The following ADGRB1 variants were observed in gnomAD, a reference collection of about 807,000 sequenced individuals.
The protein encoded by ADGRB1 is adhesion G protein-coupled receptor B1.
ADGRB1 carries 36 observed loss-of-function variants against 175.7 expected under a neutral mutation model. The observed-to-expected ratio is 0.20, with a 90% CI of 0.16 to 0.27. The LOEUF is 0.27. Among genes scored for constraint, ADGRB1 ranks in the 10% least tolerant of loss-of-function variants. The pLI, the probability that ADGRB1 is intolerant of heterozygous loss-of-function variation, is 1.00. For synonymous variants in ADGRB1, 1,054 were observed against 979.4 expected, an observed-to-expected ratio of 1.08 and a Z score of -1.42; for missense variants, 1,731 against 2,255.3, an observed-to-expected ratio of 0.77 and a Z score of 4.71.
chr8:142,510,916 T>TGGCCCCCC lies in ADGRB1; in HGVS notation c.2676-16_2676-15insGGCCCCCC. 6 of 969,730 alleles carry TGGCCCCCC rather than the reference T, an allele frequency of 6.2e-6. No homozygotes were observed. Among genetic ancestry groups the TGGCCCCCC allele is most frequent in the Non-Finnish European group, 7.6e-6 (6 of 789,292 alleles). 60.1% of individuals were successfully genotyped at this position (969,730 alleles called of 1,614,324 possible). On this transcript the variant is annotated splice_polypyrimidine_tract_variant and intron_variant, in intron 17 of 30. Coordinates refer to ENST00000517894, the MANE Select transcript of ADGRB1 (RefSeq NM_001702.3). This position sits in a 1 kb window ranked among gnomAD's most constrained non-coding sequence, Gnocchi z 6.3. ...ACGCTCCGCCTGTCTCCCTCCCGTG[T>TGGCCCCCC]CCCGCCCGCCCCCAGACCCTCCTCC...
chr8:142,491,361 C>T (rs962321172), intron 17 of ADGRB1, among the ~76,000 whole-genome samples: 5 of 152,216 alleles, frequency 3.3e-5, no homozygotes, highest in Admixed American at 2.6e-4. Flanking sequence ...GCAAGTTCCA[C>T]GCCCCATGTG....
At chr8:142,479,576 TG>T in intron 8 of ADGRB1, 89 bp downstream of exon 8, 5 of 1,525,090 alleles carry the variant, frequency 3.3e-6, no homozygotes, top group African/African-American at 1.4e-5. Flanking sequence ...CGTGGTGTGT[TG>T]GGGGCTCCCG....
intron 17 of ADGRB1, among the ~76,000 whole-genome samples, chr8:142,498,440 G>A (rs1017238953): frequency 2.6e-5 from 4 of 152,082 alleles, no homozygotes; most frequent in South Asian, 4.1e-4. Context: ...GAGTTGCCCC[G>A]GGTGCCTGCT....
At chr8:142,481,006 T>C (rs1442824824) in intron 9 of ADGRB1, among the ~76,000 whole-genome samples, 1 of 152,202 alleles carries the variant, frequency 6.6e-6, no homozygotes, top group East Asian at 1.9e-4. Flanking sequence ...TCCACCTCCA[T>C]GCAGTGGGGT....
In ADGRB1 at chr8:142,511,556, C is replaced by CGGT. The variant is rs1563726809; in HGVS notation, c.2817+486_2817+488dup. ...GCCTGGTCCGTGGAGGAGGAGGTGGCGGTGGCCCCAGGCAGGGGCCCTGGC... is the reference window on the plus strand; with the variant it reads ...GCCTGGTCCGTGGAGGAGGAGGTGGCGGTGGTGGCCCCAGGCAGGGGCCCTGGC... On this transcript the variant is annotated intron_variant, in intron 18 of 30. Coordinates refer to ENST00000517894, the MANE Select transcript of ADGRB1 (RefSeq NM_001702.3). The surrounding 1 kb of genome is among the most constrained non-coding windows in gnomAD (Gnocchi z 4.5). Among the ~76,000 whole-genome samples, 1 of 152,156 alleles carries CGGT rather than the reference C, an allele frequency of 6.6e-6. No homozygotes were observed. The highest frequency in any genetic ancestry group is 2.4e-5 in the African/African-American group (1 of 41,444).
intron 14 of ADGRB1, 84 bp downstream of exon 14, chr8:142,488,591 G>T: frequency 2.0e-6 from 3 of 1,538,028 alleles, no homozygotes; most frequent in Non-Finnish European, 2.6e-6. Context: ...CTGGAGTCTA[G>T]CTGCTGCCTC....
At chr8:142,508,075 C>T (rs1303126013) in intron 17 of ADGRB1, among the ~76,000 whole-genome samples, 2 of 152,108 alleles carry the variant, frequency 1.3e-5, no homozygotes, top group Non-Finnish European at 2.9e-5. Context: ...TGGCTGCATG[C>T]CCCCTCCCAC....
chr8:142,461,364 C>T (rs558899075), intron 1 of ADGRB1, among the ~76,000 whole-genome samples: 20 of 152,336 alleles, frequency 1.3e-4, no homozygotes, highest in South Asian at 1.0e-3. Context: ...TGGACTCTTC[C>T]GTGTTTTCTC....
At chr8:142,529,331 C>T (rs1844444772) in intron 24 of ADGRB1, among the ~76,000 whole-genome samples, 1 of 151,936 alleles carries the variant, frequency 6.6e-6, no homozygotes, top group Non-Finnish European at 1.5e-5. Context: ...CAGGTGTGTG[C>T]AGATGTGTTT....
intron 1 of ADGRB1, among the ~76,000 whole-genome samples, chr8:142,457,256 C>T (rs1037260914): frequency 2.6e-5 from 4 of 152,186 alleles, no homozygotes; most frequent in Admixed American, 6.5e-5. Context: ...CCTGTATCCA[C>T]GTCTGGGGAA....
At chr8:142,517,541 G>T (rs1276113796) in intron 18 of ADGRB1, among the ~76,000 whole-genome samples, 1 of 152,116 alleles carries the variant, frequency 6.6e-6, no homozygotes, top group Non-Finnish European at 1.5e-5. Context: ...GGACTGAGGG[G>T]CTGTGGAGGT....
intron 3 of ADGRB1, 67 bp downstream of exon 3, chr8:142,475,702 G>GGGGTGGGGCCCTGGAGAGGA: frequency 1.7e-6 from 2 of 1,210,238 alleles, no homozygotes; most frequent in Non-Finnish European, 2.1e-6. Context: ...GGAGGAGAGG[G>GGGGTGGGGCCCTGGAGAGGA]GGGTGGGGCC....
rs1842022133 is a variant in ADGRB1 at position 142,492,360 on chromosome 8, G to A, written c.2675+1545G>A. 6.6e-6 allele frequency among the ~76,000 whole-genome samples: 1 copy of A among 152,158 alleles called. No homozygotes were observed. The highest frequency in any genetic ancestry group is 2.1e-4 in the South Asian group (1 of 4,826). On this transcript the variant is annotated intron_variant, in intron 17 of 30. Transcript: ENST00000517894. This position sits in a 1 kb window ranked among gnomAD's most constrained non-coding sequence, Gnocchi z 4.4. ...CTCCTCTCCCCAGTGAGGAGGGATG[G>A]GGAACAGGGACAGACGGAGCAGTGT...
intron 23 of ADGRB1, 31 bp downstream of exon 23, chr8:142,524,335 GA>G (rs1844047934): frequency 6.4e-7 from 1 of 1,558,388 alleles, no homozygotes; most frequent in African/African-American, 1.4e-5. Flanking sequence ...CACTCCCCAC[GA>G]CCCCACCTGG....
chr8:142,517,589 G>A (rs866872176), intron 18 of ADGRB1, among the ~76,000 whole-genome samples: 38 of 152,170 alleles, frequency 2.5e-4, no homozygotes, highest in African/African-American at 8.4e-4. Context: ...GCGAGGGGTG[G>A]GAGGGGGAGG....
chr8:142,515,158 T>C (rs1843342295), intron 18 of ADGRB1, among the ~76,000 whole-genome samples: 1 of 151,978 alleles, frequency 6.6e-6, no homozygotes, highest in Non-Finnish European at 1.5e-5. Context: ...ACTTCTGTGC[T>C]GGGAGGAGAG....
intron 1 of ADGRB1, among the ~76,000 whole-genome samples, chr8:142,460,431 C>T (rs1254357680): frequency 6.6e-6 from 1 of 152,216 alleles, no homozygotes; most frequent in Non-Finnish European, 1.5e-5. Flanking sequence ...GCCGGCCTTC[C>T]GGCCAATATG....
chr8:142,513,623 C>G (rs1250884648), intron 18 of ADGRB1, among the ~76,000 whole-genome samples: 2 of 152,114 alleles, frequency 1.3e-5, no homozygotes, highest in Non-Finnish European at 2.9e-5. Context: ...CTGCAGCCGC[C>G]CAGGTGGAAA....
chr8:142,526,473 C>T (rs1844198434), intron 23 of ADGRB1, 69 bp from the exon 24 acceptor site: 15 of 1,386,214 alleles, frequency 1.1e-5, no homozygotes, highest in South Asian at 8.7e-5. Context: ...AGCATCGGTC[C>T]GGCCAGTGTC....
Sources: gnomAD v4.1 joint callset for allele counts (sites outside exome capture counted in the v4.1 genomes callset) on GRCh38, gnomAD v4.1.1 for gene constraint, Gnocchi (gnomAD v3.1) non-coding constraint, MANE v1.5 for transcripts, NCBI Gene and HGNC (gene_info 2026-07-23, HGNC 2026-07-21) for gene names.